RANBP2: variants seen among roughly 807,000 people sequenced by gnomAD.
RANBP2 encodes the protein RAN binding protein 2.
In RANBP2, 57 loss-of-function variants were observed where a neutral mutation model predicts 303.6. That is an observed-to-expected ratio of 0.19 (90% CI 0.15 to 0.23). The LOEUF (loss-of-function observed/expected upper bound fraction) is 0.23, where lower values mean the gene tolerates loss of function less well. Among genes scored for constraint, RANBP2 ranks in the 10% least tolerant of loss-of-function variants. RANBP2 has a pLI of 1.00. For synonymous variants in RANBP2, 1,167 were observed against 1,301.5 expected (o/e 0.90, Z 2.23); for missense variants, 3,138 against 3,780.8 (o/e 0.83, Z 4.46).
chr2:109,637,678 C>G, the RANBP2 span, among the ~76,000 whole-genome samples: 821 of 152,328 alleles, frequency 5.4e-3, 5 homozygotes, highest in African/African-American at 0.018. Context: ...TCATACAACA[C>G]ATGTTTTTGT....
At chr2:108,744,346 G>A (rs1162072816) in intron 7 of RANBP2, among the ~76,000 whole-genome samples, 1 of 152,050 alleles carries the variant, frequency 6.6e-6, no homozygotes, top group Non-Finnish European at 1.5e-5. Flanking sequence ...GGAGGTTGCA[G>A]TGAGCTGAAA....
the RANBP2 span, among the ~76,000 whole-genome samples, chr2:108,918,287 C>T: frequency 6.6e-6 from 1 of 152,188 alleles, no homozygotes. Context: ...AGGGTCTATG[C>T]CTGTCTACTG....
chr2:109,656,665 C>A, the RANBP2 span, among the ~76,000 whole-genome samples: 1 of 152,188 alleles, frequency 6.6e-6, no homozygotes, highest in African/African-American at 2.4e-5. Context: ...CTAAAGGAAG[C>A]GCAGACTGCT....
At chr2:109,427,051 C>T in the RANBP2 span, among the ~76,000 whole-genome samples, 31 of 152,216 alleles carry the variant, frequency 2.0e-4, no homozygotes, top group African/African-American at 7.2e-4. Flanking sequence ...TCACTGGAAC[C>T]TTCGCCTCCT....
the RANBP2 span, among the ~76,000 whole-genome samples, chr2:109,136,547 C>G: frequency 6.6e-6 from 1 of 152,184 alleles, no homozygotes; most frequent in East Asian, 1.9e-4. Context: ...TTGTATTCTG[C>G]TTTCTTTAGG....
the RANBP2 span, among the ~76,000 whole-genome samples, chr2:109,087,663 G>T: frequency 6.6e-6 from 1 of 152,186 alleles, no homozygotes; most frequent in African/African-American, 2.4e-5. Flanking sequence ...GCTTATTGAA[G>T]TTTAAAATGG....
chr2:108,942,591 G>C, the RANBP2 span, among the ~76,000 whole-genome samples: 1 of 152,252 alleles, frequency 6.6e-6, no homozygotes, highest in South Asian at 2.1e-4. Context: ...TTCATTTTGT[G>C]AGTCTGCGCT....
chr2:109,675,054 T>C, the RANBP2 span, among the ~76,000 whole-genome samples: 12 of 152,176 alleles, frequency 7.9e-5, no homozygotes, highest in Non-Finnish European at 8.8e-5. Context: ...ACTGCAGCTT[T>C]GAACTCCTGG....
chr2:109,061,668 G>T, the RANBP2 span, among the ~76,000 whole-genome samples: 1 of 152,158 alleles, frequency 6.6e-6, no homozygotes, highest in Non-Finnish European at 1.5e-5. Flanking sequence ...ATATTCCTCA[G>T]TTCATAGTAG....
chr2:109,115,352 T>C, the RANBP2 span, among the ~76,000 whole-genome samples: 17 of 152,334 alleles, frequency 1.1e-4, no homozygotes, highest in South Asian at 3.5e-3. Flanking sequence ...AGTTAGCTCT[T>C]CTTGTTGAAT....
At chr2:109,508,597 T>C in the RANBP2 span, among the ~76,000 whole-genome samples, 2 of 151,956 alleles carry the variant, frequency 1.3e-5, no homozygotes, top group Non-Finnish European at 2.9e-5. Context: ...AAGAACTCTT[T>C]ATTTGGAAAA....
the RANBP2 span, among the ~76,000 whole-genome samples, chr2:109,701,375 G>A: frequency 6.6e-6 from 1 of 152,110 alleles, no homozygotes; most frequent in Admixed American, 6.5e-5. Context: ...CAAGGTGGTC[G>A]GGGGTACAGT....
the RANBP2 span, among the ~76,000 whole-genome samples, chr2:109,180,093 C>T: frequency 1.1e-4 from 16 of 151,894 alleles, no homozygotes; most frequent in South Asian, 1.5e-3. Context: ...AATGGGCCTC[C>T]ATGGGGTTAG....
At chr2:109,016,016 G>T in the RANBP2 span, among the ~76,000 whole-genome samples, 2 of 152,324 alleles carry the variant, frequency 1.3e-5, no homozygotes, top group East Asian at 3.9e-4. Flanking sequence ...ATCTTAAACT[G>T]CATTAGCATT....
the RANBP2 span, among the ~76,000 whole-genome samples, chr2:109,229,549 G>A: frequency 9.7e-4 from 148 of 152,278 alleles, 1 homozygote; most frequent in Middle Eastern, 0.01. Flanking sequence ...AGGGATTTGG[G>A]ATGTGGGCTC....
At chr2:109,710,115 C>G in the RANBP2 span, among the ~76,000 whole-genome samples, 1 of 150,842 alleles carries the variant, frequency 6.6e-6, no homozygotes, top group Non-Finnish European at 1.5e-5. Context: ...GGTGTGGTCG[C>G]TCATGCATGT....
the RANBP2 span, among the ~76,000 whole-genome samples, chr2:109,214,488 G>T: frequency 6.6e-6 from 1 of 151,436 alleles, no homozygotes; most frequent in African/African-American, 2.4e-5. Context: ...AAAAAAAAAG[G>T]AGTGGAGCCC....
chr2:108,867,879 A>G, the RANBP2 span, among the ~76,000 whole-genome samples: 1 of 152,242 alleles, frequency 6.6e-6, no homozygotes, highest in Non-Finnish European at 1.5e-5. Flanking sequence ...GTCCCGTGTA[A>G]TAAATAGCAT....
the RANBP2 span, among the ~76,000 whole-genome samples, chr2:109,117,250 A>G: frequency 6.6e-6 from 1 of 152,204 alleles, no homozygotes; most frequent in Non-Finnish European, 1.5e-5. Context: ...GAGCCTACAG[A>G]GGCAGGCAGG....
Sources: allele counts gnomAD v4.1 joint callset (sites outside exome capture counted in the v4.1 genomes callset), GRCh38; gene constraint gnomAD v4.1.1; transcripts MANE v1.5; gene names NCBI Gene and HGNC (gene_info 2026-07-23, HGNC 2026-07-21).